The following RGS7 variants were observed in gnomAD, a reference collection of about 807,000 sequenced individuals.
RGS7 encodes the protein regulator of G-protein signaling 7.
Under a neutral mutation model 81.1 loss-of-function variants are expected in RGS7, and 27 were observed. That is an observed-to-expected ratio of 0.33 (90% CI 0.25 to 0.46). RGS7 has a LOEUF of 0.46. RGS7 is among the 20% of genes least tolerant of loss of function. RGS7 has a pLI of 1.00. For synonymous variants in RGS7, 208 were observed against 207.7 expected (o/e 1.00, Z -0.01); for missense variants, 396 against 607.4 (o/e 0.65, Z 3.66).
intron 4 of RGS7, among the ~76,000 whole-genome samples, chr1:240,973,615 A>G (rs539739605): frequency 6.6e-6 from 1 of 151,886 alleles, no homozygotes; most frequent in Non-Finnish European, 1.5e-5. Flanking sequence ...TTGGAGATGG[A>G]GTCTCGCTCT....
At chr1:240,787,597 C>T (rs923543339) in intron 18 of RGS7, among the ~76,000 whole-genome samples, 1 of 152,148 alleles carries the variant, frequency 6.6e-6, no homozygotes, top group Admixed American at 6.5e-5. Flanking sequence ...AAAGATTAAA[C>T]TGATGAAATT....
intron 2 of RGS7, among the ~76,000 whole-genome samples, chr1:241,150,196 A>G (rs1162853541): frequency 6.6e-6 from 1 of 152,192 alleles, no homozygotes; most frequent in East Asian, 1.9e-4. Flanking sequence ...AGATGATGAA[A>G]TGGTTGTGAC....
intron 2 of RGS7, among the ~76,000 whole-genome samples, chr1:241,229,205 G>C (rs895406764): frequency 6.6e-6 from 1 of 152,110 alleles, no homozygotes; most frequent in African/African-American, 2.4e-5. Context: ...GATAAAGCCA[G>C]AACAGATGGC....
intron 2 of RGS7, 150 bp downstream of exon 2, chr1:241,355,549 C>G (rs939715335): frequency 3.8e-5 from 28 of 745,196 alleles, no homozygotes; most frequent in Middle Eastern, 4.6e-4. Context: ...TTGAGAATGT[C>G]AGATCACTTT....
chr1:241,199,750 C>G (rs74318185), intron 2 of RGS7, among the ~76,000 whole-genome samples: 2,314 of 151,516 alleles, frequency 0.015, 53 homozygotes, highest in African/African-American at 0.053. Flanking sequence ...CTATGTTTCT[C>G]TAGATGAAAA....
intron 2 of RGS7, among the ~76,000 whole-genome samples, chr1:241,250,619 G>A (rs565925740): frequency 3.3e-4 from 50 of 152,274 alleles, no homozygotes; most frequent in African/African-American, 1.1e-3. Flanking sequence ...CAGGCCTTTC[G>A]CTTGCATGAG....
chr1:241,095,498 A>G (rs2064182925), intron 3 of RGS7, among the ~76,000 whole-genome samples: 1 of 152,046 alleles, frequency 6.6e-6, no homozygotes, highest in African/African-American at 2.4e-5. Flanking sequence ...CAAACAAAAA[A>G]TTAAAAATCA....
intron 18 of RGS7, among the ~76,000 whole-genome samples, chr1:240,788,116 C>G (rs1208605944): frequency 6.6e-6 from 1 of 152,164 alleles, no homozygotes; most frequent in African/African-American, 2.4e-5. Context: ...TTAAGTGTCA[C>G]TCAGATTTAA....
At chr1:240,934,073 C>T (rs1676172683) in intron 5 of RGS7, among the ~76,000 whole-genome samples, 1 of 152,184 alleles carries the variant, frequency 6.6e-6, no homozygotes, top group Non-Finnish European at 1.5e-5. Flanking sequence ...AAGCAATTCT[C>T]CTGCCTCAGC....
chr1:241,274,213 C>T (rs1163725803), intron 2 of RGS7, among the ~76,000 whole-genome samples: 2 of 152,148 alleles, frequency 1.3e-5, no homozygotes, highest in East Asian at 1.9e-4. Flanking sequence ...AAGTTCCCAC[C>T]ACATCTTTGT....
At chr1:241,348,940 A>T (rs2083071327) in intron 2 of RGS7, among the ~76,000 whole-genome samples, 1 of 152,212 alleles carries the variant, frequency 6.6e-6, no homozygotes, top group African/African-American at 2.4e-5. Context: ...ATATGGTAAC[A>T]TAGGGTACCC....
At position 240,930,755 on chromosome 1, in the gene RGS7, CA is replaced by C; in HGVS notation, c.346del (p.Trp116GlyfsTer92). ...TTCCGGCTCCCAACAATTTGATGGC[CA>C]AAAATAGGGGGTCTGCGGAATGAAA... is the stretch of plus-strand genomic sequence containing the variant. ...TFYRFQTPYF[W>X]PSNCWEPENT... On this transcript the variant is annotated frameshift_variant, in exon 6 of 19. Coordinates refer to ENST00000440928, the MANE Select transcript of RGS7 (RefSeq NM_001364886.1). LOFTEE classifies it high-confidence loss of function. 6.2e-7 allele frequency: 1 copy of C among 1,613,602 alleles called. No homozygotes were observed. Among genetic ancestry groups the C allele is most frequent in the Non-Finnish European group, 8.5e-7 (1 of 1,179,784 alleles).
chr1:241,012,169 G>A (rs746977449), intron 3 of RGS7, among the ~76,000 whole-genome samples: 14 of 152,126 alleles, frequency 9.2e-5, no homozygotes, highest in Non-Finnish European at 1.6e-4. Flanking sequence ...AGAACAGACC[G>A]TGAGCTATAT....
chr1:241,198,501 T>C (rs1194371033), intron 2 of RGS7, among the ~76,000 whole-genome samples: 1 of 152,074 alleles, frequency 6.6e-6, no homozygotes, highest in African/African-American at 2.4e-5. Context: ...ATGAGATTAT[T>C]ACAGCTCACA....
At chr1:240,987,333 A>G (rs1310001242) in intron 3 of RGS7, among the ~76,000 whole-genome samples, 2 of 152,150 alleles carry the variant, frequency 1.3e-5, no homozygotes, top group Non-Finnish European at 2.9e-5. Flanking sequence ...AGGTGCGCAA[A>G]TTATTCCTGA....
chr1:241,266,004 G>A (rs1253576749), intron 2 of RGS7, among the ~76,000 whole-genome samples: 2 of 151,978 alleles, frequency 1.3e-5, no homozygotes, highest in Non-Finnish European at 2.9e-5. Flanking sequence ...ATGTTGGTCA[G>A]GCTGGTCTCG....
chr1:241,267,364 T>A (rs2077646553), intron 2 of RGS7, among the ~76,000 whole-genome samples: 1 of 152,222 alleles, frequency 6.6e-6, no homozygotes, highest in African/African-American at 2.4e-5. Flanking sequence ...CCTTCTAGGG[T>A]ACCAGGATGC....
chr1:241,274,473 A>G (rs371426494), intron 2 of RGS7, among the ~76,000 whole-genome samples: 16 of 152,340 alleles, frequency 1.1e-4, no homozygotes, highest in Middle Eastern at 3.4e-3. Context: ...TAACACAACT[A>G]TGTACATGGA....
chr1:241,249,774 C>T (rs1558236383), intron 2 of RGS7, among the ~76,000 whole-genome samples: 1 of 152,080 alleles, frequency 6.6e-6, no homozygotes, highest in Non-Finnish European at 1.5e-5. Flanking sequence ...GAAATATACA[C>T]AAGGATGCTT....
Sources: gnomAD v4.1 joint callset for allele counts (sites outside exome capture counted in the v4.1 genomes callset) on GRCh38, gnomAD v4.1.1 for gene constraint, MANE v1.5 for transcripts, NCBI Gene and HGNC (gene_info 2026-07-23, HGNC 2026-07-21) for gene names.